Variants in NRAP observed in about 807,000 individuals in gnomAD.
NRAP encodes nebulin-related-anchoring protein.
In NRAP, 189 loss-of-function variants were observed where a neutral mutation model predicts 225.9. That is an observed-to-expected ratio of 0.84 (90% CI 0.74 to 0.94). The LOEUF is 0.94. Among genes scored for constraint, NRAP ranks in the 40% least tolerant of loss-of-function variants. NRAP has a pLI of 0.00. For missense variants in NRAP, 2,176 were observed against 2,168.7 expected (o/e 1.00, Z -0.07); for synonymous variants, 769 against 790.7 (o/e 0.97, Z 0.46).
intron 29 of NRAP, among the ~76,000 whole-genome samples, chr10:113,613,774 G>A (rs1847469072): frequency 1.3e-5 from 2 of 152,172 alleles, no homozygotes; most frequent in Admixed American, 1.3e-4. Flanking sequence ...ACAACCAACT[G>A]TAGCCTTAAG....
intron 22 of NRAP, among the ~76,000 whole-genome samples, chr10:113,623,962 A>G (rs1250403547): frequency 6.6e-6 from 1 of 152,118 alleles, no homozygotes; most frequent in Admixed American, 6.5e-5. Context: ...TGAAAAGTCT[A>G]TTCTCCATCT....
chr10:113,615,204 G>A (rs1847580984), intron 27 of NRAP, among the ~76,000 whole-genome samples: 1 of 152,170 alleles, frequency 6.6e-6, no homozygotes, highest in South Asian at 2.1e-4. Context: ...AGGCTTTAGA[G>A]TCAAACAGAC....
intron 4 of NRAP, among the ~76,000 whole-genome samples, chr10:113,656,387 T>C (rs1850309286): frequency 6.6e-6 from 1 of 152,180 alleles, no homozygotes; most frequent in Non-Finnish European, 1.5e-5. Context: ...TGATGTCTCA[T>C]GTCTCCCTAA....
rs1188699976 is a variant in NRAP at position 113,633,096 on chromosome 10, T to A, written c.1620A>T (p.Lys540Asn). Residue 540 changes from lysine to asparagine, a missense_variant, in exon 16 of 42, where the codon AAA becomes AAT. This residue lies in a region of NRAP where 1,708 missense variants were observed against 1,695.5 expected (regional missense o/e 1.01). Transcript: ENST00000359988. ...PQLVKAKTNA[K>N]LFSEVKYKEG... ...ATTGCTCTCTTACCTCACTGAAGAGTTTGGCATTGGTTTTGGCCTTCACCA... is the reference window on the plus strand; with the variant it reads ...ATTGCTCTCTTACCTCACTGAAGAGATTGGCATTGGTTTTGGCCTTCACCA... 4 of 1,571,716 alleles carry A rather than the reference T, an allele frequency of 2.5e-6. No homozygotes were observed. The highest frequency in any genetic ancestry group is 3.5e-6 in the Non-Finnish European group (4 of 1,141,752).
chr10:113,589,072 G>GC lies in NRAP; in HGVS notation c.5095dup (p.Ala1699GlyfsTer20), dbSNP rs765182837. 6.1e-5 allele frequency: 99 copies of GC among 1,613,086 alleles called. 1 individual carries two copies. The highest frequency in any genetic ancestry group is 4.2e-4 in the East Asian group (19 of 44,870). On this transcript the variant is annotated frameshift_variant, in exon 42 of 42. Coordinates refer to ENST00000359988, the MANE Select transcript of NRAP (RefSeq NM_198060.4). LOFTEE classifies it high-confidence loss of function. ...ATGATCTCCAGCCTCCACTGCTTCTGCCCCCCGCTGCTGAAATCAAACATA... is the reference window on the plus strand; with the variant it reads ...ATGATCTCCAGCCTCCACTGCTTCTGCCCCCCCGCTGCTGAAATCAAACATA...
rs533134495 is a variant in NRAP at position 113,653,028 on chromosome 10, T to C, written c.477A>G (p.Glu159=). ...ARKSLGEEYT[E]DYEQPRGKGS... is the part of the protein sequence containing the mutation. ...CCTTGCCCCTGGGTTGCTCATAGTC[T>C]TCTGTATATTCCTGTTGGTCAGAAC... The change falls in exon 6 of 42, where the codon GAA becomes GAG. Residue 159 remains glutamate (E), a synonymous_variant. Coordinates refer to ENST00000359988, the MANE Select transcript of NRAP (RefSeq NM_198060.4). 1 of 1,597,680 alleles carries C rather than the reference T, an allele frequency of 6.3e-7. No individual in the cohort carries two copies.
intron 26 of NRAP, 86 bp downstream of exon 26, chr10:113,617,369 C>G: frequency 1.2e-6 from 1 of 861,776 alleles, no homozygotes; most frequent in South Asian, 1.4e-5. Flanking sequence ...ACAGAAGGAG[C>G]AAACCCAAGA....
At chr10:113,620,401 C>A (rs1847915669) in intron 25 of NRAP, among the ~76,000 whole-genome samples, 1 of 152,136 alleles carries the variant, frequency 6.6e-6, no homozygotes. Flanking sequence ...ATTTGTCACC[C>A]ACTTTGTTTT....
At chr10:113,647,560 A>G (rs74387179) in intron 9 of NRAP, among the ~76,000 whole-genome samples, 54 of 44,534 alleles carry the variant, frequency 1.2e-3, no homozygotes, top group African/African-American at 1.7e-3. Context: ...TGTCTCCCCC[A>G]GTGGTACTGC....
At chr10:113,663,695 T>C (rs1850840236) in intron 1 of NRAP, 116 bp downstream of exon 1, 3 of 787,340 alleles carry the variant, frequency 3.8e-6, no homozygotes, top group South Asian at 3.2e-5. Context: ...CTTTTTCTTG[T>C]GGTTCAAAAC....
rs3127083 is a variant in NRAP, at chr10:113,613,999, C to T, written c.3300+184G>A. On this transcript the variant is annotated intron_variant, in intron 29 of 41. Coordinates refer to ENST00000359988, the MANE Select transcript of NRAP (RefSeq NM_198060.4). ...GGAACTAAGGGGTCAACCAGTCCGGCACCTCATTTTTACAGAGGAGGAAGG... is the reference window on the plus strand; with the variant it reads ...GGAACTAAGGGGTCAACCAGTCCGGTACCTCATTTTTACAGAGGAGGAAGG... Among the ~76,000 whole-genome samples the T allele has an allele frequency of 0.17, 25,226 of 152,100 alleles. 2,536 individuals carry two copies. The highest frequency in any genetic ancestry group is 0.23 in the Non-Finnish European group (15,302 of 67,972).
intron 18 of NRAP, among the ~76,000 whole-genome samples, chr10:113,631,090 A>G (rs1441134746): frequency 6.6e-6 from 1 of 152,192 alleles, no homozygotes; most frequent in Admixed American, 6.5e-5. Context: ...TTTGAATACC[A>G]TAAGTGTTGT....
chr10:113,654,785 G>T (rs946603179), intron 4 of NRAP, among the ~76,000 whole-genome samples: 1 of 152,166 alleles, frequency 6.6e-6, no homozygotes, highest in Non-Finnish European at 1.5e-5. Context: ...CACTTTAGAA[G>T]GTCCGTTCCA....
chr10:113,596,350 C>T (rs1846285088), intron 37 of NRAP, among the ~76,000 whole-genome samples: 1 of 152,166 alleles, frequency 6.6e-6, no homozygotes, highest in Admixed American at 6.5e-5. Context: ...AGAGGTGAAA[C>T]TGTAATATTC....
At chr10:113,607,074 G>T (rs958865313) in intron 32 of NRAP, among the ~76,000 whole-genome samples, 1 of 152,000 alleles carries the variant, frequency 6.6e-6, no homozygotes, top group Non-Finnish European at 1.5e-5. Context: ...GGTGGCGGGC[G>T]TCTGTAATCC....
chr10:113,614,424 G>A (rs996712028), intron 28 of NRAP, 128 bp from the exon 29 acceptor site: 43 of 690,614 alleles, frequency 6.2e-5, no homozygotes, highest in East Asian at 2.6e-4. Flanking sequence ...GAAAATGCGC[G>A]GGAGTCGTCA....
intron 11 of NRAP, among the ~76,000 whole-genome samples, chr10:113,643,273 AC>A (rs1849312813): frequency 6.6e-6 from 1 of 152,276 alleles, no homozygotes; most frequent in Non-Finnish European, 1.5e-5. Context: ...GCTTTCAAGA[AC>A]AAATAATATA....
Position 113,610,454 on chromosome 10 carries a change from G to A in NRAP, c.3603+5C>T. On this transcript the variant is annotated splice_donor_5th_base_variant and intron_variant, in intron 31 of 41. Coordinates refer to ENST00000359988, the MANE Select transcript of NRAP (RefSeq NM_198060.4). ...TGGACACTCAACACCAGCATCTGTA[G>A]TTACCTCACTGATGAGTTCCGATGC... 7.3e-7 allele frequency: 1 copy of A among 1,372,670 alleles called. No individual in the cohort carries two copies. Among genetic ancestry groups the A allele is most frequent in the Non-Finnish European group, 1.0e-6 (1 of 958,656 alleles). The allele number at this position is 1,372,670 out of a possible 1,614,324, so 85.0% of individuals were successfully genotyped here. A position where few individuals can be genotyped will look rare whatever the true frequency, so the allele number is the denominator to read the frequency against.
At chr10:113,604,971 G>A in intron 34 of NRAP, 51 bp from the exon 35 acceptor site, 1 of 1,559,394 alleles carries the variant, frequency 6.4e-7, no homozygotes, top group Non-Finnish European at 8.7e-7. Context: ...TTTCATTGCA[G>A]ACTCTAGAAA....
Sources: allele counts gnomAD v4.1 joint callset (sites outside exome capture counted in the v4.1 genomes callset), GRCh38; gene constraint gnomAD v4.1.1; regional missense constraint gnomAD v4.1.1; transcripts MANE v1.5; gene names NCBI Gene and HGNC (gene_info 2026-07-23, HGNC 2026-07-21).